The following DOCK4 variants were observed in gnomAD, a reference collection of about 807,000 sequenced individuals.
The protein encoded by DOCK4 is dedicator of cytokinesis 4.
In DOCK4, 97 loss-of-function variants were observed where a neutral mutation model predicts 268.1. The ratio of observed to expected loss-of-function variants is 0.36; its 90% CI spans 0.31 to 0.43. DOCK4 has a LOEUF of 0.43. Ranked by LOEUF, DOCK4 falls within the 20% of genes least tolerant of loss-of-function variation. DOCK4 has a pLI of 1.00. For missense variants in DOCK4, 2,145 were observed against 2,455.7 expected, an observed-to-expected ratio of 0.87 and a Z score of 2.67; for synonymous variants, 954 against 887.2, an observed-to-expected ratio of 1.08 and a Z score of -1.34.
At chr7:112,186,203 C>T (rs556537991) in intron 1 of DOCK4, among the ~76,000 whole-genome samples, 1 of 152,348 alleles carries the variant, frequency 6.6e-6, no homozygotes, top group African/African-American at 2.4e-5. Flanking sequence ...TGCTTGGTTT[C>T]AGGGAACCTG....
chr7:111,945,841 A>T, intron 8 of DOCK4, 43 bp from the exon 9 acceptor site: 1 of 1,461,186 alleles, frequency 6.8e-7, no homozygotes, highest in South Asian at 1.2e-5. Context: ...ATTATTTAAT[A>T]GTTAAAGATT....
intron 1 of DOCK4, among the ~76,000 whole-genome samples, chr7:112,166,993 G>A (rs1298385485): frequency 6.6e-6 from 1 of 152,026 alleles, no homozygotes; most frequent in Non-Finnish European, 1.5e-5. Flanking sequence ...ATTTGTTGGG[G>A]CTGTATAGTG....
intron 44 of DOCK4, among the ~76,000 whole-genome samples, chr7:111,745,683 T>TAA (rs781530065): frequency 0.25 from 12,206 of 49,576 alleles, 3,395 homozygotes; most frequent in East Asian, 0.63. Flanking sequence ...GACTCCGTCT[T>TAA]AAAAAAAAAA....
chr7:112,206,184 C>T lies in DOCK4; in HGVS notation c.-46G>A, dbSNP rs1244433192. On this transcript the variant is annotated 5_prime_UTR_variant, in exon 1 of 53. Transcript: ENST00000428084. ...CTTCAGGCTTTGTAATCCCCGCGCC[C>T]CTTCTCCGGCTCACAACAATGCACA... 3.9e-6 allele frequency: 6 copies of T among 1,547,468 alleles called. No homozygotes were observed. In the South Asian group the frequency reaches 7.1e-5, roughly 18 times the overall value.
chr7:111,944,848 T>C lies in DOCK4; in HGVS notation c.807A>G (p.Arg269=). Residue 269 remains arginine, a synonymous_variant, in exon 10 of 53, where the codon AGA becomes AGG. Coordinates refer to ENST00000428084, the MANE Select transcript of DOCK4 (RefSeq NM_001363540.2). The part of the protein sequence containing the change: ...LFVDLGSSEL[R]KDIYITVHII... The stretch of plus-strand genomic sequence containing the variant: ...TGTGCACGGTGATATAAATGTCCTT[T>C]CTTAGCTCACTGCTGCCCAAATCCT... The C allele has an allele frequency of 6.2e-7, 1 of 1,613,998 alleles. No individual in the cohort carries two copies. Among genetic ancestry groups the C allele is most frequent in the Non-Finnish European group, 8.5e-7 (1 of 1,179,870 alleles).
intron 50 of DOCK4, 81 bp from the exon 51 acceptor site, chr7:111,735,248 T>C: frequency 2.1e-6 from 2 of 953,196 alleles, no homozygotes; most frequent in South Asian, 3.8e-5. Context: ...AAAGTCAGAA[T>C]TATCCAGAAT....
chr7:111,946,086 A>C (rs1422013763), intron 8 of DOCK4, among the ~76,000 whole-genome samples: 1 of 152,208 alleles, frequency 6.6e-6, no homozygotes, highest in Admixed American at 6.5e-5. Context: ...CATTATTCCA[A>C]GAGGTAGAAA....
At chr7:111,998,109 T>A (rs919102040) in intron 4 of DOCK4, among the ~76,000 whole-genome samples, 2 of 152,204 alleles carry the variant, frequency 1.3e-5, no homozygotes, top group Non-Finnish European at 2.9e-5. Context: ...GGGTTTGAGA[T>A]AATATGACAG....
intron 1 of DOCK4, among the ~76,000 whole-genome samples, chr7:112,011,876 TAGATG>T (rs772022268): frequency 3.3e-5 from 5 of 149,326 alleles, no homozygotes; most frequent in African/African-American, 7.5e-5. Context: ...AGGAGCATCC[TAGATG>T]AGATGAGAGA....
intron 12 of DOCK4, among the ~76,000 whole-genome samples, chr7:111,917,488 C>T (rs867660924): frequency 4.6e-5 from 7 of 151,672 alleles, no homozygotes; most frequent in Non-Finnish European, 8.8e-5. Flanking sequence ...TCGAGGCAGG[C>T]GGATCATGAG....
At chr7:111,731,875 T>TG (rs1554574494) in intron 52 of DOCK4, among the ~76,000 whole-genome samples, 1 of 152,020 alleles carries the variant, frequency 6.6e-6, no homozygotes, top group East Asian at 1.9e-4. Context: ...TGTGTGTGTG[T>TG]TTGATGTACC....
rs1056774322 is a variant in DOCK4, at chr7:111,871,268, G to C, written c.2027+722C>G. 5.9e-5 allele frequency among the ~76,000 whole-genome samples: 9 copies of C among 152,310 alleles called. 1 individual carries two copies. In the East Asian group the frequency reaches 1.7e-3, roughly 29 times the overall value. ...GACCATATTGGACTGGGAGACAGAC[G>C]ATGGGGTACACTCCAAGGCTATTTA... On this transcript the variant is annotated intron_variant, in intron 20 of 52. Transcript: ENST00000428084.
intron 1 of DOCK4, among the ~76,000 whole-genome samples, chr7:112,044,245 A>G (rs1266682543): frequency 6.6e-6 from 1 of 152,160 alleles, no homozygotes; most frequent in Non-Finnish European, 1.5e-5. Context: ...CTTTTGTACT[A>G]GTAAGGTTCC....
intron 1 of DOCK4, 113 bp from the exon 2 acceptor site, chr7:112,004,244 GAA>G: frequency 1.3e-6 from 1 of 764,044 alleles, no homozygotes; most frequent in South Asian, 1.9e-5. Flanking sequence ...TTGATAGCTG[GAA>G]CCCTCTGTCA....
At chr7:112,127,680 A>G (rs2560654) in intron 1 of DOCK4, among the ~76,000 whole-genome samples, 54,002 of 152,048 alleles carry the variant, frequency 0.36, 11,541 homozygotes, top group South Asian at 0.55. Context: ...AATAAAAACA[A>G]CAACAACAAA....
chr7:111,940,111 T>C lies in DOCK4; in HGVS notation c.976A>G (p.Met326Val), dbSNP rs144867634. The C allele has an allele frequency of 0.023, 36,798 of 1,613,942 alleles. 519 individuals carry two copies. The highest frequency in any genetic ancestry group is 0.038 in the South Asian group (3,482 of 91,076). The change falls in exon 11 of 53, where the codon ATG becomes GTG. Residue 326 changes from methionine (M) to valine (V), a missense_variant and splice_region_variant. By Grantham distance (21) the Met-to-Val change is conservative. This residue lies in a region of DOCK4 where 1,598 missense variants were observed against 1,986.7 expected (regional missense o/e 0.80). Transcript: ENST00000428084. ...TKDDLILKVY[M>V]CNTESEWYQI... ...CATCACCACGTGCATGTTTCTTACA[T>C]GTATACTTTCAGAATGAGGTCATCC...
At chr7:111,935,178 CT>C (rs1562908600) in intron 12 of DOCK4, among the ~76,000 whole-genome samples, 1 of 151,272 alleles carries the variant, frequency 6.6e-6, no homozygotes, top group Non-Finnish European at 1.5e-5. Context: ...GAACTCCTGA[CT>C]TCAGGTGATC....
At position 111,806,253 on chromosome 7, in the gene DOCK4, C is replaced by T. The variant is rs149049070; in HGVS notation, c.3166+2568G>A. ...TGATAACTAATGTACTTTGATATTCCTAAGTAACAAGCTGACTTAAGGCCT... is the reference window on the plus strand; with the variant it reads ...TGATAACTAATGTACTTTGATATTCTTAAGTAACAAGCTGACTTAAGGCCT... On this transcript the variant is annotated intron_variant, in intron 30 of 52. Transcript: ENST00000428084. 5.5e-3 allele frequency among the ~76,000 whole-genome samples: 830 copies of T among 152,166 alleles called. 8 individuals carry two copies. The highest frequency in any genetic ancestry group is 0.019 in the African/African-American group (779 of 41,514).
intron 1 of DOCK4, among the ~76,000 whole-genome samples, chr7:112,170,339 TAATCCCA>T (rs1817979810): frequency 6.6e-6 from 1 of 151,956 alleles, no homozygotes; most frequent in African/African-American, 2.4e-5. Context: ...CACATGCCTA[TAATCCCA>T]GCTACTCAGG....
Sources: allele counts gnomAD v4.1 joint callset (sites outside exome capture counted in the v4.1 genomes callset), GRCh38; gene constraint gnomAD v4.1.1; regional missense constraint gnomAD v4.1.1; transcripts MANE v1.5; gene names NCBI Gene and HGNC (gene_info 2026-07-23, HGNC 2026-07-21).